Variants in WNK1 observed in about 807,000 individuals in gnomAD.
The protein encoded by WNK1 is serine/threonine-protein kinase WNK1.
Under a neutral mutation model 222.8 loss-of-function variants are expected in WNK1, and 38 were observed. That is an observed-to-expected ratio of 0.17 (90% CI 0.13 to 0.22). The LOEUF (loss-of-function observed/expected upper bound fraction) is 0.22, where lower values mean the gene tolerates loss of function less well. WNK1 is among the 10% of genes least tolerant of loss of function. The pLI is 1.00. For synonymous variants in WNK1, 1,090 were observed against 1,092.9 expected (o/e 1.00, Z 0.05); for missense variants, 2,348 against 2,918.4 (o/e 0.80, Z 4.50).
rs1310976331 is a variant in WNK1, at chr12:897,543, A to G, written c.6310A>G (p.Lys2104Glu). 2 of 1,613,908 alleles carry G rather than the reference A, an allele frequency of 1.2e-6. No individual in the cohort carries two copies. The highest frequency in any genetic ancestry group is 2.2e-5 in the East Asian group (1 of 44,886). ...GCATGAAATTGAATCTTTGTATACC[A>G]AACTGGGCAAGGTGCCCCCTGCTGT... ...QKHEIESLYT[K>E]LGKVPPAVII... is the part of the protein sequence containing the mutation. The change falls in exon 25 of 28, where the codon AAA becomes GAA. Residue 2104 changes from lysine (K) to glutamate (E), a missense_variant. Physicochemically the swap from Lys to Glu is moderately conservative, Grantham distance 56. Coordinates refer to ENST00000315939, the MANE Select transcript of WNK1 (RefSeq NM_018979.4).
intron 1 of WNK1, among the ~76,000 whole-genome samples, chr12:786,463 T>G (rs1391356095): frequency 2.1e-5 from 3 of 144,656 alleles, no homozygotes; most frequent in Non-Finnish European, 4.5e-5. Flanking sequence ...TGTTCCTCTA[T>G]CTTCCCTTTT....
At chr12:855,192 A>G (rs953912501) in intron 4 of WNK1, among the ~76,000 whole-genome samples, 10 of 152,236 alleles carry the variant, frequency 6.6e-5, no homozygotes, top group Non-Finnish European at 4.4e-5. Context: ...CACTAGAATT[A>G]TATGAAGATA....
rs768148840 is a variant in WNK1, at chr12:753,655, C to T, written c.90C>T (p.Ser30=). 3.1e-6 allele frequency: 5 copies of T among 1,612,578 alleles called. No individual in the cohort carries two copies. The South Asian group carries it at 4.4e-5, about 14-fold the overall frequency. The change falls in exon 1 of 28, where the codon AGC becomes AGT. Residue 30 remains serine (S), a synonymous_variant. Coordinates refer to ENST00000315939, the MANE Select transcript of WNK1 (RefSeq NM_018979.4). The surrounding 1 kb of genome is among the most constrained non-coding windows in gnomAD (Gnocchi z 5.2). ...PPAPAPKNGS[S]SDSSVGEKLG... is the part of the protein sequence containing the mutation. ...CTCCTGCCCCCAAGAATGGCTCCAG[C>T]TCCGATTCCTCCGTGGGGGAGAAAC...
intron 6 of WNK1, among the ~76,000 whole-genome samples, chr12:860,059 G>T (rs1219292687): frequency 6.6e-6 from 1 of 152,042 alleles, no homozygotes; most frequent in Non-Finnish European, 1.5e-5. Context: ...ATATACATAG[G>T]GATAGATAGA....
chr12:763,440 C>T (rs1490178547), intron 1 of WNK1, among the ~76,000 whole-genome samples: 2 of 145,398 alleles, frequency 1.4e-5, no homozygotes, highest in African/African-American at 4.9e-5. Flanking sequence ...AAAAAAAAAA[C>T]TAGCCGGGTG....
chr12:845,551 G>A (rs943085899), intron 4 of WNK1, among the ~76,000 whole-genome samples: 2 of 152,208 alleles, frequency 1.3e-5, no homozygotes, highest in African/African-American at 4.8e-5. Flanking sequence ...AATAGGCTCT[G>A]GAGTTGGATC....
chr12:829,973 A>C, intron 3 of WNK1, 30 bp from the exon 4 acceptor site: 2 of 1,613,636 alleles, frequency 1.2e-6, no homozygotes. Flanking sequence ...TTCTGCTCGC[A>C]TTGAGTCTGA....
At chr12:760,684 A>T (rs1033057072) in intron 1 of WNK1, among the ~76,000 whole-genome samples, 2 of 147,618 alleles carry the variant, frequency 1.4e-5, no homozygotes, top group Non-Finnish European at 3.0e-5. Context: ...TTGAAGAAAC[A>T]TTGTCAGAAG....
At chr12:816,609 A>G (rs1442746554) in intron 2 of WNK1, among the ~76,000 whole-genome samples, 2 of 152,016 alleles carry the variant, frequency 1.3e-5, no homozygotes, top group African/African-American at 4.8e-5. Flanking sequence ...CTTCCATCTC[A>G]TATGTAGATG....
Position 878,085 on chromosome 12 carries a change from T to C in WNK1, c.2224-127T>C, listed in dbSNP as rs560070229. On this transcript the variant is annotated intron_variant, in intron 9 of 27. Coordinates refer to ENST00000315939, the MANE Select transcript of WNK1 (RefSeq NM_018979.4). ...TAATGGAAATTGATGAATTTGGGTT[T>C]GTGCATGTCTTGATTACTAAAATCA... is the stretch of plus-strand genomic sequence containing the variant. 7.7e-5 allele frequency: 94 copies of C among 1,215,392 alleles called. No homozygotes were observed. In the African/African-American group the frequency reaches 1.3e-3, roughly 17 times the overall value. The allele number at this position is 1,215,392 out of a possible 1,614,324, so 75.3% of individuals were successfully genotyped here. A position where few individuals can be genotyped will look rare whatever the true frequency, so the allele number is the denominator to read the frequency against.
At chr12:840,490 C>T (rs540846253) in intron 4 of WNK1, among the ~76,000 whole-genome samples, 3 of 152,058 alleles carry the variant, frequency 2.0e-5, no homozygotes, top group African/African-American at 4.8e-5. Context: ...TTGTATGATA[C>T]GAAAACTACA....
At chr12:820,868 T>A (rs1344677070) in intron 2 of WNK1, among the ~76,000 whole-genome samples, 1 of 152,104 alleles carries the variant, frequency 6.6e-6, no homozygotes, top group Non-Finnish European at 1.5e-5. Context: ...CTTGTCTAAC[T>A]GTTTTGGCTA....
At chr12:859,870 C>T (rs1477860062) in intron 6 of WNK1, among the ~76,000 whole-genome samples, 1 of 151,734 alleles carries the variant, frequency 6.6e-6, no homozygotes, top group Non-Finnish European at 1.5e-5. Flanking sequence ...GACGTGCCAC[C>T]ACACCTGACT....
chr12:806,394 G>A (rs901974099), intron 1 of WNK1, among the ~76,000 whole-genome samples: 6 of 152,180 alleles, frequency 3.9e-5, no homozygotes, highest in Non-Finnish European at 7.3e-5. Context: ...AAACTTGCTG[G>A]TCATAAGAAA....
At chr12:767,019 T>C (rs1273640644) in intron 1 of WNK1, among the ~76,000 whole-genome samples, 1 of 151,902 alleles carries the variant, frequency 6.6e-6, no homozygotes, top group Non-Finnish European at 1.5e-5. Context: ...TCAAGCGGTC[T>C]GCCCACCTGG....
At chr12:799,887 G>T (rs1945707911) in intron 1 of WNK1, among the ~76,000 whole-genome samples, 1 of 152,078 alleles carries the variant, frequency 6.6e-6, no homozygotes, top group Non-Finnish European at 1.5e-5. Flanking sequence ...GTTTCACCAT[G>T]TTGGCCAGGC....
At position 859,153 on chromosome 12, in the gene WNK1, G is replaced by T. The variant is rs1239095735; in HGVS notation, c.1401-92G>T. On this transcript the variant is annotated intron_variant, in intron 5 of 27. Transcript: ENST00000315939. ...GTATTTTTTCCCATTTTTTTCTTCT[G>T]CGAATAACAATAATTGGCCACATTT... 27 of 1,123,838 alleles carry T rather than the reference G, an allele frequency of 2.4e-5. 1 individual carries two copies. In the East Asian group the frequency reaches 2.7e-4, roughly 11 times the overall value. The allele number at this position is 1,123,838 out of a possible 1,614,324, so 69.6% of individuals were successfully genotyped here.
intron 12 of WNK1, 84 bp downstream of exon 12, chr12:881,083 C>T: frequency 6.4e-7 from 1 of 1,561,288 alleles, no homozygotes; most frequent in Non-Finnish European, 8.8e-7. Flanking sequence ...AACAGGCTCC[C>T]CTGGTTTAGA....
At chr12:838,685 G>A (rs924486547) in intron 4 of WNK1, among the ~76,000 whole-genome samples, 5 of 152,070 alleles carry the variant, frequency 3.3e-5, no homozygotes, top group Non-Finnish European at 7.4e-5. Context: ...CAAAGTGCTG[G>A]GATTACAGGT....
Sources: allele counts gnomAD v4.1 joint callset (sites outside exome capture counted in the v4.1 genomes callset), GRCh38; gene constraint gnomAD v4.1.1; non-coding constraint Gnocchi (gnomAD v3.1); transcripts MANE v1.5; gene names NCBI Gene and HGNC (gene_info 2026-07-23, HGNC 2026-07-21).